CCNY: variants seen among roughly 807,000 people sequenced by gnomAD.
CCNY encodes the protein cyclin Y.
In CCNY, 19 loss-of-function variants were observed where a neutral mutation model predicts 42.8. That is an observed-to-expected ratio of 0.44 (90% confidence interval 0.31 to 0.65). CCNY has a LOEUF of 0.65. CCNY is among the 30% of genes least tolerant of loss of function. CCNY has a pLI of 0.07. For missense variants in CCNY, 370 were observed against 437.3 expected, an observed-to-expected ratio of 0.85 and a Z score of 1.37; for synonymous variants, 165 against 162.7, an observed-to-expected ratio of 1.01 and a Z score of -0.11.
intron 1 of CCNY, among the ~76,000 whole-genome samples, chr10:35,477,086 G>C (rs1013263442): frequency 1.4e-4 from 22 of 152,112 alleles, no homozygotes; most frequent in Non-Finnish European, 8.8e-5. Flanking sequence ...GACTAAACCA[G>C]GAAGAAGTTG....
chr10:35,507,923 A>T (rs1840247504), intron 3 of CCNY, among the ~76,000 whole-genome samples: 1 of 152,076 alleles, frequency 6.6e-6, no homozygotes, highest in Non-Finnish European at 1.5e-5. Context: ...TCAAATCGAG[A>T]GGCAGGCAGT....
chr10:35,357,003 C>G (rs1836567399), intron 1 of CCNY, among the ~76,000 whole-genome samples: 1 of 152,200 alleles, frequency 6.6e-6, no homozygotes, highest in African/African-American at 2.4e-5. Flanking sequence ...CAGTGTTTTT[C>G]AAGCTTCCAA....
At chr10:35,538,633 C>T (rs983845051) in intron 7 of CCNY, among the ~76,000 whole-genome samples, 1 of 152,176 alleles carries the variant, frequency 6.6e-6, no homozygotes, top group Non-Finnish European at 1.5e-5. Context: ...TATTTACATT[C>T]TTTGCCCATT....
At chr10:35,557,297 T>C (rs1354019666) in intron 8 of CCNY, among the ~76,000 whole-genome samples, 1 of 152,222 alleles carries the variant, frequency 6.6e-6, no homozygotes, top group African/African-American at 2.4e-5. Context: ...GAACTCATTA[T>C]TTTCTTTCTA....
intron 3 of CCNY, among the ~76,000 whole-genome samples, chr10:35,263,356 CAAAAAAAA>C (rs71523372): frequency 3.2e-4 from 14 of 44,312 alleles, no homozygotes; most frequent in South Asian, 2.1e-3. Flanking sequence ...GACTCCGTCT[CAAAAAAAA>C]AAAAAAAAAA....
At chr10:35,542,717 C>T (rs1169748123) in intron 7 of CCNY, among the ~76,000 whole-genome samples, 2 of 152,218 alleles carry the variant, frequency 1.3e-5, no homozygotes, top group Non-Finnish European at 2.9e-5. Flanking sequence ...GTCTTGTGCT[C>T]TGATGGTGAA....
intron 1 of CCNY, among the ~76,000 whole-genome samples, chr10:35,347,767 T>C (rs1836337950): frequency 6.6e-6 from 1 of 152,208 alleles, no homozygotes; most frequent in African/African-American, 2.4e-5. Flanking sequence ...AGGATTTTAA[T>C]TGACTTTCAG....
At chr10:35,305,607 C>T (rs765479851) in intron 3 of CCNY, among the ~76,000 whole-genome samples, 15 of 152,176 alleles carry the variant, frequency 9.9e-5, no homozygotes, top group South Asian at 4.1e-4. Context: ...TGCTACTTAT[C>T]GTTCATTGCC....
intron 1 of CCNY, among the ~76,000 whole-genome samples, chr10:35,424,899 T>C (rs1198443224): frequency 2.0e-5 from 3 of 152,080 alleles, no homozygotes; most frequent in Admixed American, 6.6e-5. Context: ...CCACACCAGG[T>C]TGGGGAGTCT....
chr10:35,413,146 T>G (rs1363986644), intron 1 of CCNY, among the ~76,000 whole-genome samples: 2 of 152,008 alleles, frequency 1.3e-5, no homozygotes, highest in Non-Finnish European at 2.9e-5. Context: ...ATGGGACACT[T>G]GGGAGCTAGA....
intron 1 of CCNY, among the ~76,000 whole-genome samples, chr10:35,455,845 G>A (rs751635040): frequency 3.1e-4 from 44 of 144,098 alleles, no homozygotes; most frequent in Non-Finnish European, 5.2e-4. Context: ...AAAAGACAGG[G>A]TCTCACTCTG....
chr10:35,337,118 G>A lies in CCNY; in HGVS notation c.65G>A (p.Arg22Gln), dbSNP rs768664699. Residue 22 changes from arginine to glutamine, a missense_variant, in exon 1 of 10, where the codon CGG becomes CAG. Around this residue, in one of 2 missense-constraint regions of CCNY, gnomAD observed 136 missense variants for 124.2 expected, o/e 1.09. Coordinates refer to ENST00000374704, the MANE Select transcript of CCNY (RefSeq NM_145012.6). ...SPKLRRNAHS[R>Q]LESYRPDTDL... Reference sequence around the variant, plus strand: ...AAGCTCCGGAGGAATGCCCACTCCCGGCTGGAGTCCTACCGGCCAGACACG... The same window carrying A: ...AAGCTCCGGAGGAATGCCCACTCCCAGCTGGAGTCCTACCGGCCAGACACG... 1 of 1,592,482 alleles carries A rather than the reference G, an allele frequency of 6.3e-7. No homozygotes were observed. Among genetic ancestry groups the A allele is most frequent in the Non-Finnish European group, 8.5e-7 (1 of 1,171,478 alleles).
intron 3 of CCNY, among the ~76,000 whole-genome samples, chr10:35,323,657 G>A (rs1261237334): frequency 6.6e-6 from 1 of 152,182 alleles, no homozygotes; most frequent in Non-Finnish European, 1.5e-5. Flanking sequence ...GAATTTTGGG[G>A]TGATGGAAAT....
At chr10:35,489,053 G>A (rs1839844674) in intron 2 of CCNY, among the ~76,000 whole-genome samples, 1 of 152,218 alleles carries the variant, frequency 6.6e-6, no homozygotes, top group Admixed American at 6.5e-5. Context: ...GCTGAGGCAA[G>A]CGGATCACGA....
intron 1 of CCNY, among the ~76,000 whole-genome samples, chr10:35,411,512 C>CAAAAA (rs59117826): frequency 9.8e-5 from 6 of 61,388 alleles, no homozygotes; most frequent in Non-Finnish European, 1.8e-4. Context: ...AAGACTCTGT[C>CAAAAA]AAAAAAAAAA....
chr10:35,424,110 G>A (rs1037786032), intron 1 of CCNY, among the ~76,000 whole-genome samples: 2 of 152,220 alleles, frequency 1.3e-5, no homozygotes, highest in Non-Finnish European at 2.9e-5. Context: ...TGTCAAGAGG[G>A]AGAAGTTAGT....
intron 3 of CCNY, among the ~76,000 whole-genome samples, chr10:35,298,943 T>A (rs1037795156): frequency 2.0e-5 from 3 of 152,194 alleles, no homozygotes; most frequent in Non-Finnish European, 4.4e-5. Flanking sequence ...TATGTGTATG[T>A]TTTGTATGAG....
At chr10:35,259,855 C>G (rs2095718303) in intron 3 of CCNY, among the ~76,000 whole-genome samples, 1 of 150,460 alleles carries the variant, frequency 6.6e-6, no homozygotes, top group African/African-American at 2.4e-5. Context: ...AATGTGGGCT[C>G]TTCTTAAGGA....
rs369536358 is a variant in CCNY at position 35,501,420 on chromosome 10, A to G, written c.230-81A>G. 8.4e-6 allele frequency: 10 copies of G among 1,193,518 alleles called. No individual in the cohort carries two copies. The African/African-American group carries it at 1.2e-4, about 14-fold the overall frequency. The allele number at this position is 1,193,518 out of a possible 1,614,324, so 73.9% of individuals were successfully genotyped here. On this transcript the variant is annotated intron_variant, in intron 2 of 9. Transcript: ENST00000374704. ...GTTGGTGGAAGGACGGGACCACGAC[A>G]CAGAGGCCCAGTCCTCATCCACCTG...
Sources: allele counts gnomAD v4.1 joint callset (sites outside exome capture counted in the v4.1 genomes callset), GRCh38; gene constraint gnomAD v4.1.1; regional missense constraint gnomAD v4.1.1; transcripts MANE v1.5; gene names NCBI Gene and HGNC (gene_info 2026-07-23, HGNC 2026-07-21).